The following ADGRL3 variants were observed in gnomAD, a reference collection of about 807,000 sequenced individuals.
The protein encoded by ADGRL3 is calcium-independent alpha-latrotoxin receptor 3.
ADGRL3 carries 62 observed loss-of-function variants against 153.5 expected under a neutral mutation model. That is an observed-to-expected ratio of 0.40 (90% confidence interval 0.33 to 0.50). The LOEUF is 0.50. Among genes scored for constraint, ADGRL3 ranks in the 20% least tolerant of loss-of-function variants. The pLI is 0.47. For missense variants in ADGRL3, 1,641 were observed against 1,859.4 expected (o/e 0.88, Z 2.16); for synonymous variants, 710 against 672.5 (o/e 1.06, Z -0.86).
chr4:61,312,957 C>T (rs1034305278), intron 1 of ADGRL3, among the ~76,000 whole-genome samples: 5 of 152,110 alleles, frequency 3.3e-5, no homozygotes, highest in African/African-American at 1.2e-4. Flanking sequence ...ATTGCCAAAA[C>T]TTGGAGGCAA....
In ADGRL3 at chr4:61,605,213, G is replaced by A. The variant is rs139513924; in HGVS notation, c.473+17773G>A. On this transcript the variant is annotated intron_variant, in intron 5 of 26. Coordinates refer to ENST00000683033, the MANE Select transcript of ADGRL3 (RefSeq NM_001387552.1). ...AAAGAAAGTATCTTGCAACAAAATG[G>A]AAATCAGAAGTAAACTATTCTGCGT... 2.6e-3 allele frequency among the ~76,000 whole-genome samples: 402 copies of A among 151,704 alleles called. 3 individuals carry two copies. Among genetic ancestry groups the A allele is most frequent in the African/African-American group, 8.4e-3 (347 of 41,370 alleles).
At chr4:61,342,025 T>C (rs2095817694) in intron 1 of ADGRL3, among the ~76,000 whole-genome samples, 1 of 152,190 alleles carries the variant, frequency 6.6e-6, no homozygotes, top group Non-Finnish European at 1.5e-5. Context: ...TATAAAATAA[T>C]GTATATTCAT....
At chr4:61,914,186 C>T (rs1359574319) in intron 13 of ADGRL3, among the ~76,000 whole-genome samples, 1 of 152,008 alleles carries the variant, frequency 6.6e-6, no homozygotes. Context: ...TGGTGTCTTC[C>T]AAGTCTCCTG....
intron 4 of ADGRL3, among the ~76,000 whole-genome samples, chr4:61,529,212 C>T (rs900765333): frequency 2.6e-5 from 4 of 152,120 alleles, no homozygotes; most frequent in African/African-American, 7.2e-5. Flanking sequence ...TACTAAGTTA[C>T]TCTCTATTCT....
At chr4:61,582,289 T>A (rs2098929096) in intron 4 of ADGRL3, among the ~76,000 whole-genome samples, 1 of 152,046 alleles carries the variant, frequency 6.6e-6, no homozygotes, top group South Asian at 2.1e-4. Context: ...GCCCATCACC[T>A]AGGTATTAAG....
chr4:61,730,570 A>G, intron 6 of ADGRL3, 52 bp from the exon 7 acceptor site: 1 of 438,206 alleles, frequency 2.3e-6, no homozygotes, highest in East Asian at 3.5e-5. Context: ...ATACCGTACC[A>G]TTAATCTATT....
At chr4:61,457,247 G>A (rs1232410270) in intron 2 of ADGRL3, among the ~76,000 whole-genome samples, 1 of 151,854 alleles carries the variant, frequency 6.6e-6, no homozygotes, top group Non-Finnish European at 1.5e-5. Flanking sequence ...ATTTCACATA[G>A]TCGTATTGTA....
chr4:61,587,362 A>G lies in ADGRL3; in HGVS notation c.395A>G (p.Lys132Arg), dbSNP rs2098950494. 1 of 1,612,580 alleles carries G rather than the reference A, an allele frequency of 6.2e-7. No homozygotes were observed. Among genetic ancestry groups the G allele is most frequent in the East Asian group, 2.2e-5 (1 of 44,774 alleles). The change falls in exon 5 of 27, where the codon AAA (lysine) becomes AGA (arginine). Residue 132 changes from lysine (K) to arginine (R), a missense_variant. Lys to Arg is a conservative substitution (Grantham distance 26). Around this residue, in one of 5 missense-constraint regions of ADGRL3, gnomAD observed 213 missense variants for 362.1 expected, o/e 0.59. Coordinates refer to ENST00000683033, the MANE Select transcript of ADGRL3 (RefSeq NM_001387552.1). ...ESANYGRTDD[K>R]ICDSDPAQME... is the part of the protein sequence containing the mutation. ...GCCAACTATGGCAGGACTGATGACA[A>G]AATTTGTGACTCTGACCCTGCTCAG...
intron 5 of ADGRL3, among the ~76,000 whole-genome samples, chr4:61,623,418 G>A (rs188889585): frequency 6.6e-6 from 1 of 151,960 alleles, no homozygotes; most frequent in African/African-American, 2.4e-5. Flanking sequence ...TCAAGCAGAA[G>A]TATGTAGTCA....
chr4:61,352,281 A>C (rs2096065688), intron 1 of ADGRL3, among the ~76,000 whole-genome samples: 1 of 152,240 alleles, frequency 6.6e-6, no homozygotes, highest in African/African-American at 2.4e-5. Flanking sequence ...AACTTGCTGA[A>C]GGCTCAGATG....
chr4:62,061,310 A>T (rs1042338889), intron 25 of ADGRL3, among the ~76,000 whole-genome samples: 2 of 151,814 alleles, frequency 1.3e-5, no homozygotes, highest in African/African-American at 2.4e-5. Flanking sequence ...GTAGATTCAC[A>T]TGCTGTTGTA....
At chr4:61,492,553 T>C (rs1388853306) in intron 2 of ADGRL3, among the ~76,000 whole-genome samples, 1 of 152,042 alleles carries the variant, frequency 6.6e-6, no homozygotes, top group Non-Finnish European at 1.5e-5. Context: ...TTTAGCATGA[T>C]TTGAAAAGAA....
chr4:61,482,757 G>T (rs937870741), intron 2 of ADGRL3, among the ~76,000 whole-genome samples: 9 of 152,030 alleles, frequency 5.9e-5, no homozygotes, highest in African/African-American at 1.9e-4. Flanking sequence ...TTTTCTACAG[G>T]CTTTTATATT....
chr4:61,627,245 CA>C (rs1004487508), intron 5 of ADGRL3, among the ~76,000 whole-genome samples: 1 of 151,408 alleles, frequency 6.6e-6, no homozygotes. Flanking sequence ...GTAGCTTGTG[CA>C]AAAAAAATAA....
chr4:61,212,141 T>G (rs1038418591), intron 1 of ADGRL3: 1 of 152,080 alleles, frequency 6.6e-6, no homozygotes, highest in Non-Finnish European at 1.5e-5. Flanking sequence ...AAGTGGAGAT[T>G]GCACAGAAGA....
At chr4:61,460,332 C>T (rs1189589435) in intron 2 of ADGRL3, among the ~76,000 whole-genome samples, 1 of 152,014 alleles carries the variant, frequency 6.6e-6, no homozygotes, top group African/African-American at 2.4e-5. Flanking sequence ...GGTGTCCTTT[C>T]CCCAACGTAT....
At chr4:61,390,836 T>G (rs2096793543) in intron 2 of ADGRL3, among the ~76,000 whole-genome samples, 1 of 152,150 alleles carries the variant, frequency 6.6e-6, no homozygotes, top group Non-Finnish European at 1.5e-5. Context: ...ACTCTGCCTC[T>G]GCCCCTAACT....
chr4:61,225,780 A>G (rs1363838576), intron 1 of ADGRL3, among the ~76,000 whole-genome samples: 7 of 151,968 alleles, frequency 4.6e-5, no homozygotes, highest in African/African-American at 1.7e-4. Context: ...TTTCTCTGGG[A>G]CCCCCAGTGA....
chr4:61,929,075 C>T (rs1434960714), intron 13 of ADGRL3, among the ~76,000 whole-genome samples: 1 of 152,098 alleles, frequency 6.6e-6, no homozygotes, highest in Non-Finnish European at 1.5e-5. Context: ...TGTGGTCTGA[C>T]TGCTTGTGTC....
Sources: gnomAD v4.1 joint callset for allele counts (sites outside exome capture counted in the v4.1 genomes callset) on GRCh38, gnomAD v4.1.1 for gene constraint, gnomAD v4.1.1 regional missense constraint, MANE v1.5 for transcripts, NCBI Gene and HGNC (gene_info 2026-07-23, HGNC 2026-07-21) for gene names.